The following ANKRD13A variants were observed in gnomAD, a reference collection of about 807,000 sequenced individuals.
ANKRD13A encodes ankyrin repeat domain 13A.
In ANKRD13A, 48 loss-of-function variants were observed where a neutral mutation model predicts 81.3. The observed-to-expected ratio is 0.59, with a 90% CI of 0.47 to 0.75. The LOEUF is 0.75. Ranked by LOEUF, ANKRD13A falls within the 30% of genes least tolerant of loss-of-function variation. The probability of loss-of-function intolerance (pLI) is 0.00; values close to 1 mark genes in which losing one functional copy is unlikely to be tolerated. For missense variants in ANKRD13A, 612 were observed against 734.0 expected, an observed-to-expected ratio of 0.83 and a Z score of 1.92; for synonymous variants, 230 against 270.1, an observed-to-expected ratio of 0.85 and a Z score of 1.45.
intron 1 of ANKRD13A, among the ~76,000 whole-genome samples, chr12:110,003,295 G>A (rs1425845606): frequency 6.6e-6 from 1 of 152,194 alleles, no homozygotes; most frequent in Non-Finnish European, 1.5e-5. Context: ...GTAAGAGGAG[G>A]ACATTCCTGG....
chr12:110,028,787 G>T (rs1366409476), intron 10 of ANKRD13A, 145 bp downstream of exon 10: 2 of 1,154,362 alleles, frequency 1.7e-6, no homozygotes, highest in South Asian at 1.5e-5. Context: ...GCCTAGGCTG[G>T]AGTGCAGTGG....
At chr12:110,001,989 AG>A (rs939769178) in intron 1 of ANKRD13A, among the ~76,000 whole-genome samples, 42 of 150,626 alleles carry the variant, frequency 2.8e-4, no homozygotes, top group African/African-American at 9.7e-4. Context: ...TTTGGTGCCC[AG>A]GCTGGTCTTG....
chr12:110,012,532 C>T (rs2137105711), intron 2 of ANKRD13A, among the ~76,000 whole-genome samples: 2 of 152,262 alleles, frequency 1.3e-5, no homozygotes, highest in Middle Eastern at 6.8e-3. Context: ...GCCAGAAACC[C>T]TCGGTAGAGA....
chr12:110,033,722 T>C, intron 12 of ANKRD13A, 75 bp from the exon 13 acceptor site: 1 of 1,344,310 alleles, frequency 7.4e-7, no homozygotes, highest in African/African-American at 1.5e-5. Context: ...TTTTTTCTAA[T>C]GTACAACATT....
intron 3 of ANKRD13A, among the ~76,000 whole-genome samples, chr12:110,014,385 C>A (rs1477552953): frequency 6.6e-6 from 1 of 151,980 alleles, no homozygotes; most frequent in Non-Finnish European, 1.5e-5. Flanking sequence ...GCACTCCAGC[C>A]TGGGTGACAG....
chr12:110,016,340 T>C (rs763767103), intron 3 of ANKRD13A, 48 bp from the exon 4 acceptor site: 1 of 1,446,634 alleles, frequency 6.9e-7, no homozygotes, highest in Non-Finnish European at 9.4e-7. Context: ...TTATGTTGTG[T>C]TGATAGTGCC....
rs117398522 is a variant in ANKRD13A at position 110,022,640 on chromosome 12, A to C, written c.735-1406A>C. Among the ~76,000 whole-genome samples the C allele has an allele frequency of 1.8e-4, 28 of 152,336 alleles. No homozygotes were observed. In the East Asian group the frequency reaches 5.2e-3, roughly 28 times the overall value. On this transcript the variant is annotated intron_variant, in intron 6 of 14. Coordinates refer to ENST00000261739, the MANE Select transcript of ANKRD13A (RefSeq NM_033121.2). ...CATCCATCAGAAGAGTCTGTGCCAG[A>C]AAACAGTGACTTCCTGTGGCAAGAC...
chr12:110,033,220 ATT>A (rs549997034), intron 12 of ANKRD13A, among the ~76,000 whole-genome samples: 5 of 138,594 alleles, frequency 3.6e-5, no homozygotes, highest in Non-Finnish European at 4.7e-5. Flanking sequence ...CGCCCGGCTA[ATT>A]TTTTTTTTTT....
At chr12:110,003,438 G>T (rs1459427839) in intron 1 of ANKRD13A, among the ~76,000 whole-genome samples, 1 of 152,206 alleles carries the variant, frequency 6.6e-6, no homozygotes, top group Non-Finnish European at 1.5e-5. Context: ...GTCATCGGGG[G>T]TTCAAGCTCA....
chr12:110,037,238 A>C, intron 14 of ANKRD13A, 121 bp from the exon 15 acceptor site: 1 of 969,932 alleles, frequency 1.0e-6, no homozygotes. Context: ...ATTAATTGGC[A>C]TCATGCATAT....
chr12:110,029,319 T>C lies in ANKRD13A; in HGVS notation c.1077-159T>C. The stretch of plus-strand genomic sequence containing the variant: ...CAGATTTTAGGGTGATGTGAATTCC[T>C]TGTGGCCCTAGACATTTGACCTTTA... On this transcript the variant is annotated intron_variant, in intron 10 of 14. Coordinates refer to ENST00000261739, the MANE Select transcript of ANKRD13A (RefSeq NM_033121.2). 4.2e-6 allele frequency: 3 copies of C among 715,322 alleles called. No individual in the cohort carries two copies. In the South Asian group the frequency reaches 7.6e-5, roughly 18 times the overall value. 44.3% of individuals were successfully genotyped at this position (715,322 alleles called of 1,614,324 possible). A position where few individuals can be genotyped will look rare whatever the true frequency, so the allele number is the denominator to read the frequency against.
intron 13 of ANKRD13A, among the ~76,000 whole-genome samples, chr12:110,035,247 T>C (rs554983784): frequency 6.2e-4 from 95 of 152,332 alleles, no homozygotes; most frequent in Non-Finnish European, 1.2e-3. Context: ...CCATAAGTTT[T>C]AACAAGGGAA....
chr12:110,026,417 A>G (rs1397919935), intron 8 of ANKRD13A, among the ~76,000 whole-genome samples: 4 of 150,612 alleles, frequency 2.7e-5, no homozygotes, highest in Admixed American at 2.7e-4. Flanking sequence ...GTGCTAAAAA[A>G]AAATACAAAA....
intron 6 of ANKRD13A, among the ~76,000 whole-genome samples, chr12:110,020,678 G>A (rs1891032673): frequency 6.6e-6 from 1 of 152,230 alleles, no homozygotes; most frequent in Non-Finnish European, 1.5e-5. Context: ...TGCAGACAGG[G>A]AGGCCCCTTC....
At chr12:110,022,688 G>A (rs1891141038) in intron 6 of ANKRD13A, among the ~76,000 whole-genome samples, 1 of 152,170 alleles carries the variant, frequency 6.6e-6, no homozygotes, top group Non-Finnish European at 1.5e-5. Flanking sequence ...AAGCAAACAA[G>A]GAACTGAGGA....
intron 13 of ANKRD13A, among the ~76,000 whole-genome samples, chr12:110,035,999 G>A (rs1225609797): frequency 6.6e-6 from 1 of 152,172 alleles, no homozygotes; most frequent in African/African-American, 2.4e-5. Flanking sequence ...TATCTTCCAC[G>A]TGGGTTAGCT....
intron 1 of ANKRD13A, among the ~76,000 whole-genome samples, chr12:110,004,445 G>A (rs576412434): frequency 3.1e-4 from 47 of 151,922 alleles, no homozygotes; most frequent in African/African-American, 1.1e-3. Flanking sequence ...GAGAAACCCC[G>A]TCTCTACTAA....
Position 110,029,504 on chromosome 12 carries a change from AAG to A in ANKRD13A, c.1106_1107del (p.Glu369ValfsTer14). On this transcript the variant is annotated frameshift_variant, in exon 11 of 15. Coordinates refer to ENST00000261739, the MANE Select transcript of ANKRD13A (RefSeq NM_033121.2). LOFTEE classifies it high-confidence loss of function. ...TTTAAAGCAATGTTGTGGATGTGTG[AAG>A]AGTTTCCCCTCTCTCTGGTGGAGCA... 1.2e-6 allele frequency: 2 copies of A among 1,613,646 alleles called. No individual in the cohort carries two copies. The highest frequency in any genetic ancestry group is 1.3e-5 in the African/African-American group (1 of 75,022).
intron 3 of ANKRD13A, among the ~76,000 whole-genome samples, chr12:110,015,011 C>T (rs954110619): frequency 2.0e-5 from 3 of 151,940 alleles, no homozygotes; most frequent in East Asian, 1.9e-4. Flanking sequence ...CTCCTGACCT[C>T]GTGATCCGCC....
Sources: gnomAD v4.1 joint callset for allele counts (sites outside exome capture counted in the v4.1 genomes callset) on GRCh38, gnomAD v4.1.1 for gene constraint, MANE v1.5 for transcripts, NCBI Gene and HGNC (gene_info 2026-07-23, HGNC 2026-07-21) for gene names.